The following GRIN2A variants were observed in gnomAD, a reference collection of about 807,000 sequenced individuals.
GRIN2A encodes the protein glutamate ionotropic receptor NMDA type subunit 2A.
Under a neutral mutation model 113.4 loss-of-function variants are expected in GRIN2A, and 22 were observed. That is an observed-to-expected ratio of 0.19 (90% confidence interval 0.14 to 0.28). The LOEUF is 0.28. Ranked by LOEUF, GRIN2A falls within the 10% of genes least tolerant of loss-of-function variation. The pLI is 1.00. For synonymous variants in GRIN2A, 827 were observed against 738.4 expected, an observed-to-expected ratio of 1.12 and a Z score of -1.94; for missense variants, 1,502 against 1,887.0, an observed-to-expected ratio of 0.80 and a Z score of 3.78.
At chr16:9,985,084 C>T (rs1336109011) in intron 2 of GRIN2A, among the ~76,000 whole-genome samples, 1 of 152,056 alleles carries the variant, frequency 6.6e-6, no homozygotes, top group Admixed American at 6.6e-5. Context: ...CCATGAGACT[C>T]TGCCAGAAAC....
Position 10,025,083 on chromosome 16 carries a change from G to A in GRIN2A, c.415-86532C>T, listed in dbSNP as rs560872133. Reference sequence around the variant, plus strand: ...GAGGAATCGAGAGATGAGAGGAGATGGAGAGGAAAAGAGAGGAGGAAAGAA... The same window carrying A: ...GAGGAATCGAGAGATGAGAGGAGATAGAGAGGAAAAGAGAGGAGGAAAGAA... On this transcript the variant is annotated intron_variant, in intron 2 of 12. Coordinates refer to ENST00000330684, the MANE Select transcript of GRIN2A (RefSeq NM_001134407.3). Among the ~76,000 whole-genome samples, 20 of 152,016 alleles carry A rather than the reference G, an allele frequency of 1.3e-4. No individual in the cohort carries two copies. In the South Asian group the frequency reaches 3.8e-3, roughly 29 times the overall value.
chr16:9,954,739 G>C (rs957609945), intron 2 of GRIN2A, among the ~76,000 whole-genome samples: 12 of 152,150 alleles, frequency 7.9e-5, no homozygotes, highest in African/African-American at 2.9e-4. Flanking sequence ...GGATTTTAAT[G>C]AGCCTTCTGC....
chr16:9,813,593 A>T (rs2042130977), intron 10 of GRIN2A, among the ~76,000 whole-genome samples: 1 of 143,820 alleles, frequency 7.0e-6, no homozygotes, highest in Admixed American at 7.1e-5. Flanking sequence ...CCCCACAGAC[A>T]TTTTTTTCTA....
chr16:10,174,867 G>A (rs879276915), intron 2 of GRIN2A, among the ~76,000 whole-genome samples: 4 of 151,008 alleles, frequency 2.6e-5, no homozygotes, highest in Non-Finnish European at 4.4e-5. Flanking sequence ...GATACATGGA[G>A]AATTGATTGA....
intron 2 of GRIN2A, among the ~76,000 whole-genome samples, chr16:10,167,628 T>A (rs1283287696): frequency 1.3e-5 from 2 of 152,208 alleles, no homozygotes. Flanking sequence ...GGAACCTGAG[T>A]TCGAAGATCT....
At chr16:9,836,935 G>C (rs2042592427) in intron 7 of GRIN2A, among the ~76,000 whole-genome samples, 1 of 152,174 alleles carries the variant, frequency 6.6e-6, no homozygotes, top group Non-Finnish European at 1.5e-5. Context: ...GAATTAACTA[G>C]ATAGAAATAT....
chr16:9,969,365 C>A (rs1485763445), intron 2 of GRIN2A, among the ~76,000 whole-genome samples: 3 of 152,192 alleles, frequency 2.0e-5, no homozygotes, highest in Non-Finnish European at 4.4e-5. Flanking sequence ...ACTTTCTTCA[C>A]TCGCCACTTA....
intron 2 of GRIN2A, among the ~76,000 whole-genome samples, chr16:10,017,674 T>G (rs1944061717): frequency 2.6e-5 from 4 of 152,284 alleles, no homozygotes; most frequent in Admixed American, 2.0e-4. Flanking sequence ...CAGTATACAT[T>G]GGTCATCATA....
At chr16:9,800,817 A>C (rs150856289) in intron 10 of GRIN2A, among the ~76,000 whole-genome samples, 2 of 152,312 alleles carry the variant, frequency 1.3e-5, no homozygotes, top group African/African-American at 4.8e-5. Flanking sequence ...AACCTGGAGC[A>C]ACCTAGAGCT....
intron 3 of GRIN2A, among the ~76,000 whole-genome samples, chr16:9,934,610 G>T (rs1186738675): frequency 7.1e-6 from 1 of 140,936 alleles, no homozygotes; most frequent in African/African-American, 2.7e-5. Context: ...AATCCAGGAG[G>T]CAGAGGTTGT....
At chr16:9,802,760 C>A (rs1398014795) in intron 10 of GRIN2A, among the ~76,000 whole-genome samples, 2 of 152,150 alleles carry the variant, frequency 1.3e-5, no homozygotes, top group African/African-American at 4.8e-5. Context: ...GCTCTGACAC[C>A]ATCTACTATG....
chr16:9,912,581 G>A (rs1372457557), intron 3 of GRIN2A, among the ~76,000 whole-genome samples: 3 of 152,044 alleles, frequency 2.0e-5, no homozygotes, highest in Non-Finnish European at 4.4e-5. Flanking sequence ...TCCTTGCTTT[G>A]TATCTCAGTA....
intron 10 of GRIN2A, among the ~76,000 whole-genome samples, chr16:9,802,624 CT>C (rs1258187144): frequency 6.6e-6 from 1 of 152,130 alleles, no homozygotes; most frequent in East Asian, 1.9e-4. Context: ...TCTATTCTGT[CT>C]ATAAGCAGAC....
At chr16:9,939,533 T>C (rs2044807530) in intron 2 of GRIN2A, among the ~76,000 whole-genome samples, 1 of 152,152 alleles carries the variant, frequency 6.6e-6, no homozygotes, top group South Asian at 2.1e-4. Flanking sequence ...TGAGAACAAA[T>C]TTCCATTTAG....
intron 10 of GRIN2A, among the ~76,000 whole-genome samples, chr16:9,798,673 G>A (rs778963728): frequency 6.6e-6 from 1 of 152,204 alleles, no homozygotes; most frequent in Admixed American, 6.5e-5. Context: ...ACAAGAGGCA[G>A]CTAAATAAAG....
intron 2 of GRIN2A, among the ~76,000 whole-genome samples, chr16:10,025,675 C>T (rs543848798): frequency 1.1e-4 from 16 of 152,146 alleles, no homozygotes; most frequent in African/African-American, 7.2e-5. Flanking sequence ...GAAAATATAA[C>T]TTTTTCCCAG....
At chr16:9,822,482 G>A in intron 9 of GRIN2A, 58 bp from the exon 10 acceptor site, 1 of 1,133,664 alleles carries the variant, frequency 8.8e-7, no homozygotes. Flanking sequence ...AAGGGAGGAG[G>A]GGGAGGAGAG....
chr16:9,972,148 G>C (rs1343914286), intron 2 of GRIN2A, among the ~76,000 whole-genome samples: 1 of 152,192 alleles, frequency 6.6e-6, no homozygotes, highest in African/African-American at 2.4e-5. Context: ...AACAAAGGGT[G>C]AGTAGACAAG....
intron 2 of GRIN2A, chr16:10,121,685 C>G (rs1254660447): frequency 1.3e-5 from 2 of 152,192 alleles, no homozygotes; most frequent in Non-Finnish European, 2.9e-5. Context: ...GAGTTGAGAT[C>G]ATTATGCTGC....
Sources: gnomAD v4.1 joint callset for allele counts (sites outside exome capture counted in the v4.1 genomes callset) on GRCh38, gnomAD v4.1.1 for gene constraint, MANE v1.5 for transcripts, NCBI Gene and HGNC (gene_info 2026-07-23, HGNC 2026-07-21) for gene names.